The following ELMOD3 variants were observed in gnomAD, a reference collection of about 807,000 sequenced individuals.
The protein encoded by ELMOD3 is ELMO domain-containing protein 3.
Under a neutral mutation model 47.4 loss-of-function variants are expected in ELMOD3, and 36 were observed. The ratio of observed to expected loss-of-function variants is 0.76; its 90% CI spans 0.58 to 1.00. The LOEUF (loss-of-function observed/expected upper bound fraction) is 1.00, where lower values mean the gene tolerates loss of function less well. Among genes scored for constraint, ELMOD3 ranks in the 50% least tolerant of loss-of-function variants. The probability of loss-of-function intolerance (pLI) is 0.00; values close to 1 mark genes in which losing one functional copy is unlikely to be tolerated. For synonymous variants in ELMOD3, 149 were observed against 183.5 expected (o/e 0.81, Z 1.52); for missense variants, 404 against 463.8 (o/e 0.87, Z 1.18).
intron 4 of ELMOD3, among the ~76,000 whole-genome samples, chr2:85,358,378 C>T (rs760034067): frequency 1.3e-5 from 2 of 151,776 alleles, no homozygotes; most frequent in Non-Finnish European, 1.5e-5. Context: ...GGTTACTGGA[C>T]TTAGAGGTGT....
chr2:85,357,825 A>T (rs1013175758), intron 4 of ELMOD3, among the ~76,000 whole-genome samples: 1 of 152,180 alleles, frequency 6.6e-6, no homozygotes, highest in African/African-American at 2.4e-5. Flanking sequence ...ACTGAATTGG[A>T]GAAGGAAAGG....
intron 8 of ELMOD3, 72 bp from the exon 9 acceptor site, chr2:85,371,013 TC>T: frequency 6.4e-7 from 1 of 1,552,522 alleles, no homozygotes; most frequent in Non-Finnish European, 8.8e-7. Context: ...CTGCCTCTGG[TC>T]TGAGCCTGAT....
rs781711502 is a variant in ELMOD3 at position 85,363,129 on chromosome 2, G to A, written c.162G>A (p.Gln54=). The A allele has an allele frequency of 6.2e-7, 1 of 1,612,914 alleles. No homozygotes were observed. Among genetic ancestry groups the A allele is most frequent in the Non-Finnish European group, 8.5e-7 (1 of 1,179,018 alleles). The change falls in exon 6 of 14, where the codon CAG becomes CAA. Residue 54 remains glutamine (Q), a synonymous_variant. Coordinates refer to ENST00000409013, the MANE Select transcript of ELMOD3 (RefSeq NM_001135022.2). ...ISELKNHGIL[Q]ALTTEAYEWE... ...AGTTGAAGAACCATGGCATTCTCCAGGCTCTGACCACAGAAGCTTATGAAT... is the reference window on the plus strand; with the variant it reads ...AGTTGAAGAACCATGGCATTCTCCAAGCTCTGACCACAGAAGCTTATGAAT...
intron 11 of ELMOD3, among the ~76,000 whole-genome samples, chr2:85,383,739 A>G (rs1245084190): frequency 6.6e-6 from 1 of 152,188 alleles, no homozygotes; most frequent in Non-Finnish European, 1.5e-5. Context: ...GGTACCAAGC[A>G]TGGATAGGAG....
At chr2:85,368,300 T>C (rs1478661329) in intron 6 of ELMOD3, 2 of 202,238 alleles carry the variant, frequency 9.9e-6, no homozygotes, top group Non-Finnish European at 2.1e-5. Flanking sequence ...TGGTAGTGCG[T>C]GCCTGTAGTT....
rs116769170 is a variant in ELMOD3 at position 85,363,384 on chromosome 2, C to A, written c.199+218C>A. 5.5e-3 allele frequency among the ~76,000 whole-genome samples: 843 copies of A among 152,288 alleles called. 9 individuals carry two copies. The highest frequency in any genetic ancestry group is 0.019 in the African/African-American group (809 of 41,558). The stretch of plus-strand genomic sequence containing the variant: ...TAGTGGTTTACTGTGTGCCTCTGGG[C>A]AAGCCATATGATCTCTAATATTAGT... On this transcript the variant is annotated intron_variant, in intron 6 of 13. Transcript: ENST00000409013.
In ELMOD3 at chr2:85,371,685, A is replaced by G. The variant is rs1684799154; in HGVS notation, c.607+123A>G. ...GATCTTGGGGGAGTATTCCGGGAAG[A>G]GGGTGCAGCAAATGCAAAAGCCCTG... On this transcript the variant is annotated intron_variant, in intron 10 of 13. Coordinates refer to ENST00000409013, the MANE Select transcript of ELMOD3 (RefSeq NM_001135022.2). 3.5e-6 allele frequency: 5 copies of G among 1,432,640 alleles called. 1 individual carries two copies. In the African/African-American group the frequency reaches 4.3e-5, roughly 12 times the overall value. The allele number at this position is 1,432,640 out of a possible 1,614,324, so 88.7% of individuals were successfully genotyped here.
intron 4 of ELMOD3, among the ~76,000 whole-genome samples, chr2:85,359,143 A>C (rs938551123): frequency 6.6e-6 from 1 of 152,216 alleles, no homozygotes; most frequent in East Asian, 1.9e-4. Flanking sequence ...CCCTATTATA[A>C]ACAGTATGAC....
chr2:85,362,114 G>A, intron 4 of ELMOD3, 72 bp from the exon 5 acceptor site: 2 of 939,844 alleles, frequency 2.1e-6, no homozygotes, highest in South Asian at 1.4e-5. Context: ...AAAAAAAAAA[G>A]TATGACATTT....
chr2:85,367,245 G>A (rs1203407219), intron 6 of ELMOD3, among the ~76,000 whole-genome samples: 3 of 152,332 alleles, frequency 2.0e-5, no homozygotes, highest in Middle Eastern at 3.4e-3. Flanking sequence ...GGGTCTCACA[G>A]AGCAGTGGCC....
chr2:85,374,956 C>T (rs568539105), intron 10 of ELMOD3, among the ~76,000 whole-genome samples: 29 of 151,964 alleles, frequency 1.9e-4, no homozygotes, highest in Admixed American at 3.9e-4. Flanking sequence ...TAAAAAAATA[C>T]AAAAATTAGC....
At chr2:85,369,623 G>A (rs1684643936) in intron 7 of ELMOD3, 116 bp from the exon 8 acceptor site, 14 of 1,039,202 alleles carry the variant, frequency 1.3e-5, no homozygotes, top group Middle Eastern at 2.2e-4. Flanking sequence ...GTAAGTGTCT[G>A]ATGTTCAACT....
intron 11 of ELMOD3, among the ~76,000 whole-genome samples, chr2:85,382,672 T>C (rs1573142163): frequency 6.6e-6 from 1 of 151,816 alleles, no homozygotes; most frequent in East Asian, 2.0e-4. Context: ...CGTGCCACTA[T>C]GTCCATCTAA....
At chr2:85,383,073 C>CAAAAA (rs565248845) in intron 11 of ELMOD3, among the ~76,000 whole-genome samples, 1 of 137,124 alleles carries the variant, frequency 7.3e-6, no homozygotes, top group African/African-American at 2.6e-5. Context: ...AGTAAAACTC[C>CAAAAA]AAAAAAAAAA....
chr2:85,371,302 G>T (rs777617403), intron 9 of ELMOD3, 93 bp downstream of exon 9: 1 of 1,606,590 alleles, frequency 6.2e-7, no homozygotes, highest in Middle Eastern at 1.7e-4. Context: ...CAGGAATATT[G>T]CATGTACCAT....
Position 85,391,030 on chromosome 2 carries a change from C to A in ELMOD3, c.*68C>A. The A allele has an allele frequency of 6.8e-7, 1 of 1,460,494 alleles. No homozygotes were observed. The highest frequency in any genetic ancestry group is 9.3e-7 in the Non-Finnish European group (1 of 1,078,104). The allele number at this position is 1,460,494 out of a possible 1,614,324, so 90.5% of individuals were successfully genotyped here. A position where few individuals can be genotyped will look rare whatever the true frequency, so the allele number is the denominator to read the frequency against. Reference sequence around the variant, plus strand: ...TTTCAGGGGGTCAGTGGAGCCATGTCAGGAGCCTGGCCAGGCCGCACCCCT... The same window carrying A: ...TTTCAGGGGGTCAGTGGAGCCATGTAAGGAGCCTGGCCAGGCCGCACCCCT... On this transcript the variant is annotated 3_prime_UTR_variant, in exon 14 of 14. Transcript: ENST00000409013.
intron 11 of ELMOD3, among the ~76,000 whole-genome samples, chr2:85,386,870 G>T (rs572116405): frequency 9.0e-4 from 137 of 152,258 alleles, no homozygotes; most frequent in Non-Finnish European, 1.4e-3. Context: ...AGGCATGGTG[G>T]TGCATGCCTG....
chr2:85,386,513 T>C (rs1162366423), intron 11 of ELMOD3, among the ~76,000 whole-genome samples: 2 of 150,702 alleles, frequency 1.3e-5, no homozygotes, highest in Non-Finnish European at 2.9e-5. Flanking sequence ...GCCTCCCAAG[T>C]AGCTGGGATT....
intron 6 of ELMOD3, 109 bp from the exon 7 acceptor site, chr2:85,368,577 C>G (rs1684565024): frequency 9.8e-7 from 1 of 1,024,410 alleles, no homozygotes; most frequent in African/African-American, 1.6e-5. Flanking sequence ...GACACCCCAT[C>G]TCTTAAAAAA....
Sources: allele counts gnomAD v4.1 joint callset (sites outside exome capture counted in the v4.1 genomes callset), GRCh38; gene constraint gnomAD v4.1.1; transcripts MANE v1.5; gene names NCBI Gene and HGNC (gene_info 2026-07-23, HGNC 2026-07-21).